The following ERCC2 variants were observed in gnomAD, a reference collection of about 807,000 sequenced individuals.
ERCC2 encodes the protein ERCC excision repair 2, TFIIH core complex helicase subunit.
In ERCC2, 90 loss-of-function variants were observed where a neutral mutation model predicts 99.4. That is an observed-to-expected ratio of 0.91 (90% confidence interval 0.76 to 1.08). ERCC2 has a LOEUF of 1.08. Ranked by LOEUF, ERCC2 falls within the 50% of genes least tolerant of loss-of-function variation. The pLI, the probability that ERCC2 is intolerant of heterozygous loss-of-function variation, is 0.00. For synonymous variants in ERCC2, 497 were observed against 432.4 expected (o/e 1.15, Z -1.85); for missense variants, 993 against 1,038.1 (o/e 0.96, Z 0.60).
chr19:45,353,628 A>T (rs1971908083), intron 17 of ERCC2, among the ~76,000 whole-genome samples: 1 of 152,226 alleles, frequency 6.6e-6, no homozygotes, highest in Non-Finnish European at 1.5e-5. Flanking sequence ...TGAGGCAGGC[A>T]GAGCCAATCA....
intron 15 of ERCC2, among the ~76,000 whole-genome samples, chr19:45,356,165 G>T (rs868571065): frequency 6.6e-6 from 1 of 151,994 alleles, no homozygotes; most frequent in South Asian, 2.1e-4. Flanking sequence ...TGGGCCAGCC[G>T]GATCCCGAAG....
rs756726272 is a variant in ERCC2, at chr19:45,353,370, G to A, written c.1666-36C>T. ...ACCCAGGGAGGTCAGGGTGGGTTCA[G>A]GGCACAGCCATCCTGGTTACATCCA... On this transcript the variant is annotated intron_variant, in intron 17 of 22. Transcript: ENST00000391945. 9 of 1,461,972 alleles carry A rather than the reference G, an allele frequency of 6.2e-6. No individual in the cohort carries two copies. The South Asian group carries it at 9.3e-5, about 15-fold the overall frequency. The allele number at this position is 1,461,972 out of a possible 1,614,324, so 90.6% of individuals were successfully genotyped here.
intron 12 of ERCC2, chr19:45,358,798 CTTGT>C (rs1972104881): frequency 6.4e-6 from 5 of 779,254 alleles, no homozygotes; most frequent in Non-Finnish European, 1.2e-5. Context: ...GAATTATTTC[CTTGT>C]TTATTTGGCT....
rs1216414539 is a variant in ERCC2, at chr19:45,352,361, A to AGAAGC, written c.2047-14_2047-10dup. ...TCCCCACGGGCAAACCGCTGTGGGC[A>AGAAGC]GAAGCGCAGGCCAGGGACAGAAGGT... On this transcript the variant is annotated splice_polypyrimidine_tract_variant and intron_variant, in intron 21 of 22. Coordinates refer to ENST00000391945, the MANE Select transcript of ERCC2 (RefSeq NM_000400.4). The AGAAGC allele has an allele frequency of 6.2e-7, 1 of 1,613,864 alleles. No homozygotes were observed. Among genetic ancestry groups the AGAAGC allele is most frequent in the South Asian group, 1.1e-5 (1 of 91,088 alleles).
chr19:45,354,981 TCCTCCC>T, intron 16 of ERCC2, 130 bp from the exon 17 acceptor site: 1 of 1,214,488 alleles, frequency 8.2e-7, no homozygotes. Context: ...CCCCTCCTCC[TCCTCCC>T]GGGCGTGTCT....
chr19:45,358,641 T>C, intron 12 of ERCC2: 1 of 585,188 alleles, frequency 1.7e-6, no homozygotes. Flanking sequence ...CCATGTGGCC[T>C]GGAAAACCTC....
intron 15 of ERCC2, 112 bp downstream of exon 15, chr19:45,357,158 G>A: frequency 1.3e-6 from 1 of 749,744 alleles, no homozygotes; most frequent in Non-Finnish European, 2.3e-6. Flanking sequence ...CCCGAACCCA[G>A]CCTCTTCGCT....
intron 12 of ERCC2, among the ~76,000 whole-genome samples, chr19:45,359,425 G>C (rs1002660316): frequency 1.3e-5 from 2 of 152,162 alleles, no homozygotes; most frequent in African/African-American, 2.4e-5. Flanking sequence ...CCTGCCGCAG[G>C]ACATGAGGCC....
In ERCC2 at chr19:45,357,339, G is replaced by A. The variant is rs1972046160; in HGVS notation, c.1410C>T (p.Ile470=). ...CCATGGTGACGGGGTGGAAGTCCAG[G>A]ATCTTGGGGTAGATGTCCAGCGGGG... ...TLSPLDIYPK[I]LDFHPVTMAT... Residue 470 remains isoleucine (I), a synonymous_variant, in exon 15 of 23, where the codon ATC becomes ATT. Coordinates refer to ENST00000391945, the MANE Select transcript of ERCC2 (RefSeq NM_000400.4). The A allele has an allele frequency of 6.2e-7, 1 of 1,614,174 alleles. No individual in the cohort carries two copies. The highest frequency in any genetic ancestry group is 1.3e-5 in the African/African-American group (1 of 75,070).
chr19:45,351,071 G>GA lies in ERCC2; in HGVS notation c.*557dup, dbSNP rs1971740950. ...AGGAGGCCATGTGGGTAGGTGCAGA[G>GA]ATGAGGCAAAGGCAGGGCGGTCGGG... is the stretch of plus-strand genomic sequence containing the variant. On this transcript the variant is annotated 3_prime_UTR_variant, in exon 23 of 23. Transcript: ENST00000391945. 6.2e-7 allele frequency: 1 copy of GA among 1,613,812 alleles called. No individual in the cohort carries two copies. Among genetic ancestry groups the GA allele is most frequent in the Non-Finnish European group, 8.5e-7 (1 of 1,179,888 alleles).
At chr19:45,363,546 C>T (rs1599742207) in intron 11 of ERCC2, among the ~76,000 whole-genome samples, 197 bp downstream of exon 11, 1 of 152,226 alleles carries the variant, frequency 6.6e-6, no homozygotes, top group African/African-American at 2.4e-5. Context: ...GGCCCCTGCC[C>T]GACGCACGGA....
In ERCC2 at chr19:45,352,272, G is replaced by A. The variant is rs147128863; in HGVS notation, c.2127C>T (p.Thr709=). ...EHLTDANLNL[T]VDEGVQVAKY... ...TGGCCACCTGGACACCCTCGTCCAC[G>A]GTCAGGTTGAGGTTGGCATCTGTGA... is the stretch of plus-strand genomic sequence containing the variant. Residue 709 remains threonine, a synonymous_variant, in exon 22 of 23, where the codon ACC becomes ACT. Coordinates refer to ENST00000391945, the MANE Select transcript of ERCC2 (RefSeq NM_000400.4). The A allele has an allele frequency of 2.0e-4, 324 of 1,614,078 alleles. 2 individuals are homozygous for A. Among genetic ancestry groups the A allele is most frequent in the African/African-American group, 1.2e-3 (92 of 75,042 alleles).
rs1971856612 is a variant in ERCC2, at chr19:45,352,759, CT to C, written c.1888del (p.Ser630AlafsTer79). On this transcript the variant is annotated frameshift_variant, in exon 20 of 23. Coordinates refer to ENST00000391945, the MANE Select transcript of ERCC2 (RefSeq NM_000400.4). LOFTEE classifies it high-confidence loss of function. ...MFGVPYVYTQ[S>X]RILKARLEYL... is the part of the protein sequence containing the mutation. Reference sequence around the variant, plus strand: ...AGAGCTACTCACCTTGAGAATGCGGCTCTGTGTGTAGACGTAGGGGACGCCA... The same window carrying C: ...AGAGCTACTCACCTTGAGAATGCGGCCTGTGTGTAGACGTAGGGGACGCCA... 6.2e-7 allele frequency: 1 copy of C among 1,613,816 alleles called. No homozygotes were observed.
intron 16 of ERCC2, 125 bp downstream of exon 16, chr19:45,355,540 A>C: frequency 1.1e-6 from 1 of 910,708 alleles, no homozygotes; most frequent in South Asian, 1.3e-5. Context: ...ACCACGGGCA[A>C]GAAGGAAACT....
rs773233663 is a variant in ERCC2 at position 45,350,317 on chromosome 19, T to A, written c.*1312A>T. 8.7e-6 allele frequency: 14 copies of A among 1,604,164 alleles called. No individual in the cohort carries two copies. The highest frequency in any genetic ancestry group is 1.2e-5 in the Non-Finnish European group (14 of 1,174,476). On this transcript the variant is annotated 3_prime_UTR_variant, in exon 23 of 23. Coordinates refer to ENST00000391945, the MANE Select transcript of ERCC2 (RefSeq NM_000400.4). The stretch of plus-strand genomic sequence containing the variant: ...TGTTGGGAACTGGGGTCCGAAAAGT[T>A]CCCAGACACTCCCTTCTCCGCAGGC...
Position 45,350,726 on chromosome 19 carries a change from A to C in ERCC2, c.*903T>G. ...AAGCTGGTCTCCCGGCTCCGAGGCG[A>C]GGCGGCGGCAGGAGCAGCCGGGTGA... On this transcript the variant is annotated 3_prime_UTR_variant, in exon 23 of 23. Transcript: ENST00000391945. 2 of 1,612,726 alleles carry C rather than the reference A, an allele frequency of 1.2e-6. No individual in the cohort carries two copies. Among genetic ancestry groups the C allele is most frequent in the Non-Finnish European group, 1.7e-6 (2 of 1,179,620 alleles).
intron 18 of ERCC2, 37 bp downstream of exon 18, chr19:45,353,205 T>G (rs746611368): frequency 1.2e-6 from 2 of 1,611,166 alleles, no homozygotes; most frequent in East Asian, 4.5e-5. Flanking sequence ...CAGAGCCACC[T>G]CCCCGACCCC....
intron 7 of ERCC2, 27 bp downstream of exon 7, chr19:45,364,811 C>T (rs762548753): frequency 6.4e-7 from 1 of 1,559,784 alleles, no homozygotes; most frequent in Non-Finnish European, 8.8e-7. Context: ...ACACTCGCCC[C>T]TCTGCCCATC....
At position 45,352,501 on chromosome 19, in the gene ERCC2, T is replaced by G. The variant is rs563918037; in HGVS notation, c.2046+5A>C. 20 of 1,614,160 alleles carry G rather than the reference T, an allele frequency of 1.2e-5. No individual in the cohort carries two copies. In the South Asian group the frequency reaches 2.0e-4, roughly 16 times the overall value. Reference sequence around the variant, plus strand: ...GGGAGCACAGGGGCACCCCTGAAGCTGCACCTTGTCGGCAAAGACCATGAG... The same window carrying G: ...GGGAGCACAGGGGCACCCCTGAAGCGGCACCTTGTCGGCAAAGACCATGAG... On this transcript the variant is annotated splice_donor_5th_base_variant and intron_variant, in intron 21 of 22. Transcript: ENST00000391945.
Sources: gnomAD v4.1 joint callset for allele counts (sites outside exome capture counted in the v4.1 genomes callset) on GRCh38, gnomAD v4.1.1 for gene constraint, MANE v1.5 for transcripts, NCBI Gene and HGNC (gene_info 2026-07-23, HGNC 2026-07-21) for gene names.